The following FAM167A variants were observed in gnomAD, a reference collection of about 807,000 sequenced individuals.
FAM167A encodes protein FAM167A.
In FAM167A, 23 loss-of-function variants were observed where a neutral mutation model predicts 14.9. That is an observed-to-expected ratio of 1.55 (90% confidence interval 1.11 to 2.19). The LOEUF is 2.19. Among genes scored for constraint, FAM167A ranks in the 30% most tolerant of loss-of-function variants. FAM167A has a pLI of 0.00. For synonymous variants in FAM167A, 174 were observed against 117.7 expected (o/e 1.48, Z -3.10); for missense variants, 401 against 281.5 (o/e 1.42, Z -3.04).
In FAM167A at chr8:11,421,714, C is replaced by T. The variant is rs1212148613; in HGVS notation, c.*2659G>A. ...CCCTGAAGGCATCAAGACATGACCA[C>T]GCATGGCAGTGTCGGTGGAGAGTTT... On this transcript the variant is annotated 3_prime_UTR_variant, in exon 3 of 3. Transcript: ENST00000284486. 16 of 398,910 alleles carry T rather than the reference C, an allele frequency of 4.0e-5. No homozygotes were observed. The highest frequency in any genetic ancestry group is 1.3e-4 in the South Asian group (1 of 7,852). 24.7% of individuals were successfully genotyped at this position (398,910 alleles called of 1,614,324 possible). A position where few individuals can be genotyped will look rare whatever the true frequency, so the allele number is the denominator to read the frequency against.
rs145481836 is a variant in FAM167A at position 11,424,584 on chromosome 8, C to T, written c.434G>A (p.Arg145His). The T allele has an allele frequency of 1.7e-4, 269 of 1,614,060 alleles. No individual in the cohort carries two copies. The highest frequency in any genetic ancestry group is 2.0e-4 in the Non-Finnish European group (241 of 1,179,978). ...QQLARQLMRL[R>H]GDINKLKIEH... Reference sequence around the variant, plus strand: ...GATTTTCAGCTTGTTGATGTCGCCACGCAGGCGCATGAGCTGTCTGGCCAG... The same window carrying T: ...GATTTTCAGCTTGTTGATGTCGCCATGCAGGCGCATGAGCTGTCTGGCCAG... Residue 145 changes from arginine (R) to histidine (H), a missense_variant, in exon 3 of 3, where the codon CGT becomes CAT. By Grantham distance (29) the Arg-to-His change is conservative. Coordinates refer to ENST00000284486, the MANE Select transcript of FAM167A (RefSeq NM_053279.3).
rs373768956 is a variant in FAM167A, at chr8:11,474,034, C to T, written c.-398+1832G>A. ...GATTACAGGCATGCGCCACCATGCCCGGCTAATTTTTTGTATTTTTAGTAG... is the reference window on the plus strand; with the variant it reads ...GATTACAGGCATGCGCCACCATGCCTGGCTAATTTTTTGTATTTTTAGTAG... On this transcript the variant is annotated intron_variant, in intron 1 of 1. Coordinates refer to the FAM167A transcript ENST00000648766. Among the ~76,000 whole-genome samples the T allele has an allele frequency of 7.2e-5, 11 of 152,058 alleles. No homozygotes were observed. The East Asian group carries it at 9.7e-4, about 13-fold the overall frequency.
At chr8:11,443,134 G>C (rs61523733) in intron 2 of FAM167A, among the ~76,000 whole-genome samples, 5,933 of 152,302 alleles carry the variant, frequency 0.039, 255 homozygotes, top group African/African-American at 0.1. Context: ...CAGGGACGGG[G>C]TGGGGCAGGG....
intron 2 of FAM167A, chr8:11,433,937 C>T (rs969906999): frequency 4.6e-5 from 7 of 152,142 alleles, no homozygotes; most frequent in Non-Finnish European, 8.8e-5. Flanking sequence ...TTATTATTTT[C>T]GTCAGTGTTG....
chr8:11,428,072 C>G (rs4841529), intron 2 of FAM167A, among the ~76,000 whole-genome samples: 75,372 of 151,928 alleles, frequency 0.5, 19,107 homozygotes, highest in East Asian at 0.67. Context: ...TTGGAGTGTT[C>G]TGTAATTTGA....
chr8:11,461,299 A>T (rs148830063), intron 1 of FAM167A, among the ~76,000 whole-genome samples: 1 of 152,354 alleles, frequency 6.6e-6, no homozygotes, highest in Non-Finnish European at 1.5e-5. Context: ...GGAGGGGGAA[A>T]GTAGCCATGG....
chr8:11,463,700 C>G (rs1344653152), intron 1 of FAM167A, among the ~76,000 whole-genome samples: 2 of 152,208 alleles, frequency 1.3e-5, no homozygotes, highest in Non-Finnish European at 2.9e-5. Flanking sequence ...ACCTTTGGAT[C>G]AGGATGCCCT....
chr8:11,450,529 G>A (rs1051309301), intron 1 of FAM167A, among the ~76,000 whole-genome samples: 1 of 152,178 alleles, frequency 6.6e-6, no homozygotes, highest in African/African-American at 2.4e-5. Context: ...CTCTGAGCTG[G>A]CCCCTAACCA....
At chr8:11,449,967 C>T (rs1806958484) in intron 1 of FAM167A, among the ~76,000 whole-genome samples, 1 of 152,248 alleles carries the variant, frequency 6.6e-6, no homozygotes, top group African/African-American at 2.4e-5. Flanking sequence ...GACGCAGGCA[C>T]TGCTGACCCA....
upstream of FAM167A, among the ~76,000 whole-genome samples, chr8:11,467,747 C>T (rs1031669201): frequency 1.3e-5 from 2 of 152,220 alleles, no homozygotes; most frequent in East Asian, 1.9e-4. Context: ...CCGAGACACT[C>T]GTGCTGCCCT....
intron 2 of FAM167A, chr8:11,438,279 G>A (rs1007362335): frequency 1.7e-5 from 7 of 402,002 alleles, no homozygotes; most frequent in South Asian, 1.3e-4. Flanking sequence ...AGGAAAGGGA[G>A]AGCAGGCAGG....
At chr8:11,466,205 G>A (rs1241271393) in intron 1 of FAM167A, among the ~76,000 whole-genome samples, 2 of 152,160 alleles carry the variant, frequency 1.3e-5, no homozygotes, top group African/African-American at 4.8e-5. Context: ...CGCATCCGTG[G>A]GGACAGAAAC....
At chr8:11,434,535 G>C (rs73663138) in intron 2 of FAM167A, among the ~76,000 whole-genome samples, 2,097 of 152,312 alleles carry the variant, frequency 0.014, 45 homozygotes, top group African/African-American at 0.047. Flanking sequence ...CAGGCATAGA[G>C]CAGGAGGCTC....
chr8:11,441,296 G>C (rs149821244), intron 2 of FAM167A, among the ~76,000 whole-genome samples: 68 of 152,314 alleles, frequency 4.5e-4, no homozygotes, highest in African/African-American at 1.6e-3. Flanking sequence ...TTGGTCCCCT[G>C]GCCCTGGTCT....
chr8:11,442,063 T>C (rs1806473550), intron 2 of FAM167A, among the ~76,000 whole-genome samples: 1 of 152,234 alleles, frequency 6.6e-6, no homozygotes, highest in Admixed American at 6.5e-5. Flanking sequence ...TTACCCTATG[T>C]ACGACAGCCT....
intron 1 of FAM167A, among the ~76,000 whole-genome samples, chr8:11,449,448 G>T (rs1585266009): frequency 6.6e-6 from 1 of 152,170 alleles, no homozygotes; most frequent in East Asian, 1.9e-4. Context: ...GACAAACCAG[G>T]GACTCCTGGG....
intron 2 of FAM167A, among the ~76,000 whole-genome samples, chr8:11,440,177 GC>G (rs1176166827): frequency 6.6e-6 from 1 of 152,178 alleles, no homozygotes; most frequent in Non-Finnish European, 1.5e-5. Flanking sequence ...GCGAGACTGG[GC>G]CTCGCCTGGA....
At chr8:11,432,742 T>TA (rs1280716516) in intron 2 of FAM167A, among the ~76,000 whole-genome samples, 1 of 152,256 alleles carries the variant, frequency 6.6e-6, no homozygotes, top group Non-Finnish European at 1.5e-5. Flanking sequence ...TAAATCATTC[T>TA]ATGATAAAGA....
In FAM167A at chr8:11,444,584, C is replaced by G; in HGVS notation, c.-173G>C. 2 of 1,430,964 alleles carry G rather than the reference C, an allele frequency of 1.4e-6. No individual in the cohort carries two copies. Among genetic ancestry groups the G allele is most frequent in the Non-Finnish European group, 9.1e-7 (1 of 1,099,458 alleles). 88.6% of individuals were successfully genotyped at this position (1,430,964 alleles called of 1,614,324 possible). A position where few individuals can be genotyped will look rare whatever the true frequency, so the allele number is the denominator to read the frequency against. On this transcript the variant is annotated 5_prime_UTR_variant, in exon 2 of 3. Transcript: ENST00000284486. The stretch of plus-strand genomic sequence containing the variant: ...GGGTGGCAGGGGAGCTGAGAGGGAC[C>G]GCGCAGTGAGCCGCACAGGGCGCCC...
Sources: gnomAD v4.1 joint callset for allele counts (sites outside exome capture counted in the v4.1 genomes callset) on GRCh38, gnomAD v4.1.1 for gene constraint, MANE v1.5 for transcripts, NCBI Gene and HGNC (gene_info 2026-07-23, HGNC 2026-07-21) for gene names.